GYS1: variants seen among roughly 807,000 people sequenced by gnomAD.
GYS1 encodes glycogen synthase 1.
A neutral mutation model predicts 89.1 loss-of-function variants in GYS1; 60 were observed. The observed-to-expected ratio is 0.67, with a 90% CI of 0.55 to 0.84. The LOEUF is 0.84. Ranked by LOEUF, GYS1 falls within the 40% of genes least tolerant of loss-of-function variation. The pLI is 0.00. For missense variants in GYS1, 888 were observed against 1,003.1 expected (o/e 0.89, Z 1.55); for synonymous variants, 366 against 401.7 (o/e 0.91, Z 1.06).
At chr19:48,970,877 G>A (rs1432607091) in intron 13 of GYS1, 51 bp downstream of exon 13, 1 of 1,478,208 alleles carries the variant, frequency 6.8e-7, no homozygotes, top group Non-Finnish European at 9.5e-7. Context: ...GGATCCAGGA[G>A]TCACTGTTCT....
At chr19:48,983,727 C>G (rs1434157975) in intron 5 of GYS1, among the ~76,000 whole-genome samples, 2 of 152,180 alleles carry the variant, frequency 1.3e-5, no homozygotes, top group Non-Finnish European at 2.9e-5. Flanking sequence ...GAAGAATGCC[C>G]AGTTCTGACC....
In GYS1 at chr19:48,971,033, G is replaced by A. The variant is rs2038557112; in HGVS notation, c.1550-10C>T. 3 of 1,599,760 alleles carry A rather than the reference G, an allele frequency of 1.9e-6. No individual in the cohort carries two copies. Among genetic ancestry groups the A allele is most frequent in the Non-Finnish European group, 8.6e-7 (1 of 1,166,878 alleles). ...ATAACCGTGCACTCAGCTGCGGGAA[G>A]GCAGGAGAGAGACCCACTTAGCTTC... On this transcript the variant is annotated splice_polypyrimidine_tract_variant and intron_variant, in intron 12 of 15. Transcript: ENST00000323798.
In GYS1 at chr19:48,975,232, A is replaced by AATTT. The variant is rs2038627373; in HGVS notation, c.1309-503_1309-500dup. On this transcript the variant is annotated intron_variant, in intron 10 of 15. Transcript: ENST00000323798. ...AGGCGTGAGCCATTGCGCTCAGCCT[A>AATTT]ATTTTTTTTTTTTTTTTTTTTAATA... Among the ~76,000 whole-genome samples the AATTT allele has an allele frequency of 4.8e-5, 7 of 146,964 alleles. No individual in the cohort carries two copies. The South Asian group carries it at 1.5e-3, about 32-fold the overall frequency.
chr19:48,970,964 A>G lies in GYS1; in HGVS notation c.1609T>C (p.Phe537Leu). ...ISTNLSGFGC[F>L]MEEHIADPSA... ...GGGTCTGCGATGTGTTCCTCCATGA[A>G]GCAGCCGAAGCCGGAGAGATTGGTG... Residue 537 changes from phenylalanine to leucine, a missense_variant, in exon 13 of 16, where the codon TTC becomes CTC. Transcript: ENST00000323798. 2 of 1,614,068 alleles carry G rather than the reference A, an allele frequency of 1.2e-6. No individual in the cohort carries two copies. The highest frequency in any genetic ancestry group is 1.3e-5 in the African/African-American group (1 of 75,040).
Position 48,985,954 on chromosome 19 carries a change from G to A in GYS1, c.574C>T (p.Arg192Cys), listed in dbSNP as rs746843282. Reference sequence around the variant, plus strand: ...GTTGCTACAGGCAGTCGCCGGGCACGACACAGGCAGAGTCCAACGCCTGCC... The same window carrying A: ...GTTGCTACAGGCAGTCGCCGGGCACAACACAGGCAGAGTCCAACGCCTGCC... Reference protein sequence around the residue: ...WLAGVGLCLCRARRLPVATIF... With the variant: ...WLAGVGLCLCCARRLPVATIF... Residue 192 changes from arginine to cysteine, a missense_variant, in exon 4 of 16, where the codon CGT becomes TGT. Physicochemically the swap from Arg to Cys is radical, Grantham distance 180. Coordinates refer to ENST00000323798, the MANE Select transcript of GYS1 (RefSeq NM_002103.5). 6 of 1,614,036 alleles carry A rather than the reference G, an allele frequency of 3.7e-6. No individual in the cohort carries two copies. The highest frequency in any genetic ancestry group is 4.2e-6 in the Non-Finnish European group (5 of 1,180,020).
rs190611392 is a variant in GYS1 at position 48,989,971 on chromosome 19, C to A, written c.300+1331G>T. Among the ~76,000 whole-genome samples, 627 of 150,820 alleles carry A rather than the reference C, an allele frequency of 4.2e-3. 6 individuals are homozygous for A. The highest frequency in any genetic ancestry group is 6.8e-3 in the Non-Finnish European group (462 of 67,820). ...GGAGCCTCGCTCTGAGGTCCCTCCC[C>A]CTCCCAGCTGTTGTCTGCCCTTTTG... On this transcript the variant is annotated intron_variant, in intron 2 of 15. Coordinates refer to ENST00000323798, the MANE Select transcript of GYS1 (RefSeq NM_002103.5).
At chr19:48,970,472 T>A (rs1349833210) in intron 14 of GYS1, 74 bp downstream of exon 14, 1 of 1,263,052 alleles carries the variant, frequency 7.9e-7, no homozygotes, top group East Asian at 2.3e-5. Context: ...GATGAGACCC[T>A]GCACCCTGCA....
intron 10 of GYS1, 129 bp downstream of exon 10, chr19:48,977,795 G>C: frequency 1.3e-6 from 1 of 754,882 alleles, no homozygotes; most frequent in South Asian, 1.4e-5. Flanking sequence ...CCTCAGAATA[G>C]ATCCCTTCAT....
chr19:48,969,875 G>A lies in GYS1; in HGVS notation c.1810-20C>T, dbSNP rs777713893. On this transcript the variant is annotated intron_variant, in intron 14 of 15. Coordinates refer to ENST00000323798, the MANE Select transcript of GYS1 (RefSeq NM_002103.5). ...ATAGTACTAGGGGAAAGGAGGAGAG[G>A]GGGCAGAGGATGTGAGAGCCAGGCC... The A allele has an allele frequency of 3.8e-6, 6 of 1,585,206 alleles. No individual in the cohort carries two copies. Among genetic ancestry groups the A allele is most frequent in the Non-Finnish European group, 5.2e-6 (6 of 1,154,446 alleles).
chr19:48,969,610 G>A lies in GYS1; in HGVS notation c.1892C>T (p.Ala631Val), dbSNP rs1203781149. Residue 631 changes from alanine (A) to valine (V), a missense_variant and splice_region_variant, in exon 16 of 16, where the codon GCC becomes GTC. Coordinates refer to ENST00000323798, the MANE Select transcript of GYS1 (RefSeq NM_002103.5). The part of the protein sequence containing the change: ...FTYEPNEADA[A>V]QGYRYPRPAS... ...TGGCCGTGGGTAGCGGTACCCCTGG[G>A]CCTGCATACGGCGATGTGGGTGCAA... 1.9e-6 allele frequency: 3 copies of A among 1,541,052 alleles called. No homozygotes were observed. Among genetic ancestry groups the A allele is most frequent in the East Asian group, 2.4e-5 (1 of 41,010 alleles).
In GYS1 at chr19:48,987,276, C is replaced by T. The variant is rs2038856931; in HGVS notation, c.410G>A (p.Cys137Tyr). ...GTCGTACCACGGCACTCCGATGTTG[C>T]AGGTATCCCAGAGCTCTCCCTTCCA... ...ERWKGELWDT[C>Y]NIGVPWYDRE... Residue 137 changes from cysteine (C) to tyrosine (Y), a missense_variant, in exon 3 of 16, where the codon TGC becomes TAC. Coordinates refer to ENST00000323798, the MANE Select transcript of GYS1 (RefSeq NM_002103.5). 2 of 1,612,928 alleles carry T rather than the reference C, an allele frequency of 1.2e-6. No homozygotes were observed. Among genetic ancestry groups the T allele is most frequent in the Non-Finnish European group, 1.7e-6 (2 of 1,179,468 alleles).
Position 48,991,606 on chromosome 19 carries a change from G to A in GYS1, c.119-123C>T, listed in dbSNP as rs1207596621. On this transcript the variant is annotated intron_variant, in intron 1 of 15. Coordinates refer to ENST00000323798, the MANE Select transcript of GYS1 (RefSeq NM_002103.5). The surrounding 1 kb of genome is among the most constrained non-coding windows in gnomAD (Gnocchi z 4.7). ...CAGACCTCTAGCTCAGGGGGAAGAG[G>A]GGACTGGGAGCCCATAGTTTGGAGT... 12 of 1,028,390 alleles carry A rather than the reference G, an allele frequency of 1.2e-5. No individual in the cohort carries two copies. Among genetic ancestry groups the A allele is most frequent in the Non-Finnish European group, 1.8e-5 (12 of 680,798 alleles). 63.7% of individuals were successfully genotyped at this position (1,028,390 alleles called of 1,614,324 possible). A position where few individuals can be genotyped will look rare whatever the true frequency, so the allele number is the denominator to read the frequency against.
chr19:48,988,942 T>C (rs2038880830), intron 2 of GYS1, among the ~76,000 whole-genome samples: 1 of 152,120 alleles, frequency 6.6e-6, no homozygotes, highest in Admixed American at 6.6e-5. Context: ...TTCTTCCCCA[T>C]GATGCCTTGT....
rs775324036 is a variant in GYS1 at position 48,991,441 on chromosome 19, G to GT, written c.160dup (p.Thr54AsnfsTer111). 3.1e-6 allele frequency: 5 copies of GT among 1,613,826 alleles called. No individual in the cohort carries two copies. Among genetic ancestry groups the GT allele is most frequent in the Non-Finnish European group, 4.2e-6 (5 of 1,179,958 alleles). ...GTAGTTGTCGCCCCATTCGTCCCCT[G>GT]TCACCTTCGCCTTCGTCTGCAGCAC... On this transcript the variant is annotated frameshift_variant, in exon 2 of 16. Coordinates refer to ENST00000323798, the MANE Select transcript of GYS1 (RefSeq NM_002103.5). LOFTEE classifies it high-confidence loss of function. This position sits in a 1 kb window ranked among gnomAD's most constrained non-coding sequence, Gnocchi z 4.7.
chr19:48,970,884 T>C, intron 13 of GYS1, 44 bp downstream of exon 13: 2 of 1,507,892 alleles, frequency 1.3e-6, no homozygotes, highest in Non-Finnish European at 1.8e-6. Flanking sequence ...GGAGTCACTG[T>C]TCTCAAGCCC....
At chr19:48,985,392 G>A (rs2038826381) in intron 5 of GYS1, 69 bp downstream of exon 5, 1 of 1,514,814 alleles carries the variant, frequency 6.6e-7, no homozygotes. Context: ...TTGGGCTGAG[G>A]AGCAACTGGC....
intron 2 of GYS1, among the ~76,000 whole-genome samples, chr19:48,987,846 G>A (rs940461012): frequency 1.3e-5 from 2 of 151,998 alleles, no homozygotes; most frequent in African/African-American, 4.8e-5. Flanking sequence ...TGTTGCCCAG[G>A]CTGGAGTGCC....
At chr19:48,987,935 G>T (rs1196751827) in intron 2 of GYS1, among the ~76,000 whole-genome samples, 2 of 152,138 alleles carry the variant, frequency 1.3e-5, no homozygotes, top group Non-Finnish European at 2.9e-5. Flanking sequence ...CGAGTAGCTG[G>T]GACTACAGCG....
Position 48,985,455 on chromosome 19 carries a change from C to T in GYS1, c.823+6G>A. On this transcript the variant is annotated splice_donor_region_variant and intron_variant, in intron 5 of 15. Coordinates refer to ENST00000323798, the MANE Select transcript of GYS1 (RefSeq NM_002103.5). ...TCACGTCTGGGGACTTCAGCCCAGC[C>T]CCTACCTGGTTTCCTCTTGAGCAAG... 1 of 1,613,348 alleles carries T rather than the reference C, an allele frequency of 6.2e-7. No homozygotes were observed.
Sources: gnomAD v4.1 joint callset for allele counts (sites outside exome capture counted in the v4.1 genomes callset) on GRCh38, gnomAD v4.1.1 for gene constraint, Gnocchi (gnomAD v3.1) non-coding constraint, MANE v1.5 for transcripts, NCBI Gene and HGNC (gene_info 2026-07-23, HGNC 2026-07-21) for gene names.